The following CACNB2 variants were observed in gnomAD, a reference collection of about 807,000 sequenced individuals.
CACNB2 encodes calcium voltage-gated channel auxiliary subunit beta 2.
Under a neutral mutation model 73.3 loss-of-function variants are expected in CACNB2, and 42 were observed. That is an observed-to-expected ratio of 0.57 (90% CI 0.45 to 0.74). The LOEUF (loss-of-function observed/expected upper bound fraction) is 0.74. Among genes scored for constraint, CACNB2 ranks in the 30% least tolerant of loss-of-function variants. The probability of loss-of-function intolerance (pLI) is 0.00; values close to 1 mark genes in which losing one functional copy is unlikely to be tolerated. For missense variants in CACNB2, 940 were observed against 853.0 expected, an observed-to-expected ratio of 1.10 and a Z score of -1.27; for synonymous variants, 348 against 310.3, an observed-to-expected ratio of 1.12 and a Z score of -1.28.
intron 2 of CACNB2, among the ~76,000 whole-genome samples, chr10:18,329,298 G>A (rs1440422889): frequency 6.6e-6 from 1 of 151,984 alleles, no homozygotes; most frequent in East Asian, 1.9e-4. Context: ...CATTCTCCCT[G>A]GTAAAGTGCT....
At chr10:18,300,951 GAT>G (rs1379205346) in intron 2 of CACNB2, among the ~76,000 whole-genome samples, 1 of 152,218 alleles carries the variant, frequency 6.6e-6, no homozygotes, top group African/African-American at 2.4e-5. Flanking sequence ...AAAAAAGAAA[GAT>G]AGGATTTCCT....
At chr10:18,345,273 G>A (rs1161928866) in intron 2 of CACNB2, among the ~76,000 whole-genome samples, 1 of 152,084 alleles carries the variant, frequency 6.6e-6, no homozygotes, top group Admixed American at 6.5e-5. Context: ...AATTCTACCA[G>A]TGGACAATGC....
rs750627674 is a variant in CACNB2 at position 18,514,283 on chromosome 10, C to G, written c.718C>G (p.Pro240Ala). 30 of 1,613,944 alleles carry G rather than the reference C, an allele frequency of 1.9e-5. No homozygotes were observed. In the South Asian group the frequency reaches 3.2e-4, roughly 17 times the overall value. ...CTTAGATGCAGAAGAAAATGATATT[C>G]CAGCAAACCACCGCTCCCCTAAACC... is the stretch of plus-strand genomic sequence containing the variant. The part of the protein sequence containing the change: ...TGLDAEENDI[P>A]ANHRSPKPSA... Residue 240 changes from proline (P) to alanine (A), a missense_variant, in exon 7 of 14, where the codon CCA (proline) becomes GCA (alanine). By Grantham distance (27) the Pro-to-Ala change is conservative. Coordinates refer to ENST00000324631, the MANE Select transcript of CACNB2 (RefSeq NM_201596.3).
At chr10:18,475,949 G>A (rs2048418992) in intron 3 of CACNB2, among the ~76,000 whole-genome samples, 1 of 152,128 alleles carries the variant, frequency 6.6e-6, no homozygotes, top group Admixed American at 6.6e-5. Context: ...TCAGGGCAAG[G>A]CCATAGAGTA....
intron 2 of CACNB2, among the ~76,000 whole-genome samples, chr10:18,200,442 G>A (rs551263267): frequency 2.0e-5 from 3 of 151,584 alleles, no homozygotes; most frequent in African/African-American, 7.2e-5. Flanking sequence ...ATTCATGAAA[G>A]GAAGGGGAAA....
chr10:18,298,899 G>A (rs868539517), intron 2 of CACNB2, among the ~76,000 whole-genome samples: 2 of 152,108 alleles, frequency 1.3e-5, no homozygotes, highest in South Asian at 2.1e-4. Context: ...AGATGGAGAC[G>A]AGCTCAGGGA....
intron 3 of CACNB2, among the ~76,000 whole-genome samples, chr10:18,483,827 A>G (rs770970872): frequency 6.6e-6 from 1 of 152,216 alleles, no homozygotes; most frequent in African/African-American, 2.4e-5. Flanking sequence ...CAGAATAGAC[A>G]TTTTATAACA....
intron 10 of CACNB2, 111 bp downstream of exon 10, chr10:18,527,808 G>A: frequency 1.3e-6 from 1 of 752,768 alleles, no homozygotes; most frequent in South Asian, 1.4e-5. Context: ...AGAAAAAACA[G>A]GTGTGTGCTG....
chr10:18,400,383 A>G (rs1564506685), intron 2 of CACNB2, among the ~76,000 whole-genome samples: 1 of 152,208 alleles, frequency 6.6e-6, no homozygotes. Flanking sequence ...TGAAACAGAA[A>G]CAGACACACA....
chr10:18,262,523 AG>A (rs2037600248), intron 2 of CACNB2, among the ~76,000 whole-genome samples: 1 of 152,348 alleles, frequency 6.6e-6, no homozygotes, highest in Admixed American at 6.5e-5. Context: ...AGATTTCTAA[AG>A]ACGACATCTG....
intron 3 of CACNB2, among the ~76,000 whole-genome samples, chr10:18,481,192 C>CTGTATATATATA (rs2048706652): frequency 2.7e-5 from 1 of 36,700 alleles, no homozygotes; most frequent in Non-Finnish European, 4.4e-5. Flanking sequence ...TACATCTTCG[C>CTGTATATATATA]TATATATATA....
At chr10:18,499,784 A>C (rs1292376918) in intron 4 of CACNB2, among the ~76,000 whole-genome samples, 1 of 115,746 alleles carries the variant, frequency 8.6e-6, no homozygotes, top group East Asian at 2.8e-4. Flanking sequence ...CAGCCTGGGC[A>C]ACAGGGTAAA....
chr10:18,434,469 AT>A (rs1219646169), intron 3 of CACNB2, among the ~76,000 whole-genome samples: 1 of 152,224 alleles, frequency 6.6e-6, no homozygotes, highest in Non-Finnish European at 1.5e-5. Flanking sequence ...TACCTAAGGC[AT>A]TGGTTGGGTG....
At chr10:18,442,947 T>C (rs912989834) in intron 3 of CACNB2, among the ~76,000 whole-genome samples, 21 of 22,272 alleles carry the variant, frequency 9.4e-4, no homozygotes, top group African/African-American at 4.6e-3. Context: ...TATATGTGTA[T>C]ATATATATAT....
At chr10:18,502,600 G>A (rs12776325) in intron 5 of CACNB2, among the ~76,000 whole-genome samples, 78,936 of 145,770 alleles carry the variant, frequency 0.54, 21,717 homozygotes, top group East Asian at 0.97. Context: ...CTGAGGCAGA[G>A]AATCACTTCG....
At chr10:18,400,540 T>A in intron 2 of CACNB2, 3 of 1,009,972 alleles carry the variant, frequency 3.0e-6, no homozygotes, top group Non-Finnish European at 3.6e-6. Context: ...AGTGTGGGAG[T>A]GCGTCCTCCT....
At chr10:18,262,710 G>A (rs2037610431) in intron 2 of CACNB2, among the ~76,000 whole-genome samples, 1 of 152,184 alleles carries the variant, frequency 6.6e-6, no homozygotes, top group Non-Finnish European at 1.5e-5. Context: ...TGAAGAGTGA[G>A]AATTTCTTAG....
chr10:18,290,050 G>T (rs1019500628), intron 2 of CACNB2, among the ~76,000 whole-genome samples: 1 of 149,202 alleles, frequency 6.7e-6, no homozygotes, highest in Non-Finnish European at 1.5e-5. Context: ...TTTTTTGAGA[G>T]GTATATGACA....
intron 2 of CACNB2, among the ~76,000 whole-genome samples, chr10:18,396,607 A>C (rs1365775860): frequency 6.6e-6 from 1 of 152,042 alleles, no homozygotes; most frequent in Non-Finnish European, 1.5e-5. Flanking sequence ...AGTAGCTGGG[A>C]TTATATGCAT....
Sources: gnomAD v4.1 joint callset for allele counts (sites outside exome capture counted in the v4.1 genomes callset) on GRCh38, gnomAD v4.1.1 for gene constraint, MANE v1.5 for transcripts, NCBI Gene and HGNC (gene_info 2026-07-23, HGNC 2026-07-21) for gene names.